SLC35B1: variants seen among roughly 807,000 people sequenced by gnomAD.
The protein encoded by SLC35B1 is ATP/ADP exchanger ER.
Under a neutral mutation model 36.6 loss-of-function variants are expected in SLC35B1, and 27 were observed. That is an observed-to-expected ratio of 0.74 (90% confidence interval 0.54 to 1.02). SLC35B1 has a LOEUF of 1.02. Ranked by LOEUF, SLC35B1 falls within the 50% of genes least tolerant of loss-of-function variation. The pLI is 0.00. For missense variants in SLC35B1, 321 were observed against 383.2 expected (o/e 0.84, Z 1.35); for synonymous variants, 162 against 152.5 (o/e 1.06, Z -0.46).
intron 6 of SLC35B1, 77 bp from the exon 7 acceptor site, chr17:49,703,371 C>G (rs1246718471): frequency 2.3e-6 from 2 of 870,232 alleles, no homozygotes; most frequent in Non-Finnish European, 3.8e-6. Context: ...CACACACACA[C>G]ACACAGACAC....
At chr17:49,706,079 C>T in intron 3 of SLC35B1, 125 bp downstream of exon 3, 1 of 1,367,448 alleles carries the variant, frequency 7.3e-7, no homozygotes, top group Non-Finnish European at 9.9e-7. Context: ...CTATACACTC[C>T]CAATGTCTTA....
rs1386100981 is a variant in SLC35B1 at position 49,703,282 on chromosome 17, G to A, written c.668C>T (p.Thr223Ile). The part of the protein sequence containing the change: ...TLLLGMGILF[T>I]GELWEFLSFA... ...GCTCAAGAACTCCCAGAGCTCCCCA[G>A]TGAACAGGATTCCTGAGAAGACATG... The change falls in exon 7 of 9, where the codon ACT (threonine) becomes ATT (isoleucine). Residue 223 changes from threonine to isoleucine, a missense_variant. Transcript: ENST00000240333. 2 of 1,612,532 alleles carry A rather than the reference G, an allele frequency of 1.2e-6. No individual in the cohort carries two copies. The highest frequency in any genetic ancestry group is 1.7e-6 in the Non-Finnish European group (2 of 1,178,796).
intron 8 of SLC35B1, chr17:49,701,926 C>CA (rs34701118): frequency 0.3 from 77,086 of 253,958 alleles, 8,062 homozygotes; most frequent in Non-Finnish European, 0.35. Flanking sequence ...CCCATCGCTA[C>CA]AAAAAAAAAA....
chr17:49,707,911 G>C lies in SLC35B1; in HGVS notation c.-78C>G. 6.3e-7 allele frequency: 1 copy of C among 1,581,214 alleles called. No homozygotes were observed. Among genetic ancestry groups the C allele is most frequent in the South Asian group, 1.1e-5 (1 of 87,928 alleles). ...AGCGGCGGCGGAGGCGACAGCTCCAGCCGGACATCGCCGACCGGCGGCAGG... is the reference window on the plus strand; with the variant it reads ...AGCGGCGGCGGAGGCGACAGCTCCACCCGGACATCGCCGACCGGCGGCAGG... On this transcript the variant is annotated 5_prime_UTR_variant, in exon 1 of 9. Transcript: ENST00000240333.
chr17:49,703,326 A>G (rs2073374968), intron 6 of SLC35B1, 32 bp from the exon 7 acceptor site: 3 of 1,355,388 alleles, frequency 2.2e-6, no homozygotes, highest in African/African-American at 3.0e-5. Context: ...TGTACGGCGC[A>G]TTTTGTGCAC....
Position 49,701,375 on chromosome 17 carries a change from C to A in SLC35B1, c.*83G>T. On this transcript the variant is annotated 3_prime_UTR_variant, in exon 9 of 9. Transcript: ENST00000240333. The stretch of plus-strand genomic sequence containing the variant: ...AAGACTGGAACTCAGTCCCATATTC[C>A]TATTAAGTCCATTTTCCCAAGAGAT... The A allele has an allele frequency of 9.3e-7, 1 of 1,076,090 alleles. No individual in the cohort carries two copies. Among genetic ancestry groups the A allele is most frequent in the East Asian group, 2.4e-5 (1 of 42,092 alleles). The allele number at this position is 1,076,090 out of a possible 1,614,324, so 66.7% of individuals were successfully genotyped here.
intron 8 of SLC35B1, 74 bp from the exon 9 acceptor site, chr17:49,701,584 G>T: frequency 1.5e-6 from 2 of 1,304,538 alleles, no homozygotes; most frequent in Non-Finnish European, 2.2e-6. Flanking sequence ...GTGGGGTGGG[G>T]TAGTCGGCCT....
Position 49,705,350 on chromosome 17 carries a change from C to T in SLC35B1, c.371-69G>A, listed in dbSNP as rs527513922. ...TATTGATGACCCCAATGCCCTCCCTCCCAGGAACCAAGAAAAGACTCAGGG... is the reference window on the plus strand; with the variant it reads ...TATTGATGACCCCAATGCCCTCCCTTCCAGGAACCAAGAAAAGACTCAGGG... On this transcript the variant is annotated intron_variant, in intron 4 of 8. Transcript: ENST00000240333. 63 of 1,450,852 alleles carry T rather than the reference C, an allele frequency of 4.3e-5. No individual in the cohort carries two copies. In the African/African-American group the frequency reaches 8.5e-4, roughly 20 times the overall value. 89.9% of individuals were successfully genotyped at this position (1,450,852 alleles called of 1,614,324 possible).
intron 1 of SLC35B1, 120 bp from the exon 2 acceptor site, chr17:49,707,188 G>A (rs2289601): frequency 0.012 from 15,731 of 1,314,250 alleles, 378 homozygotes; most frequent in East Asian, 0.12. Flanking sequence ...TGTAGGCAGA[G>A]TTTGTTAAGG....
In SLC35B1 at chr17:49,701,100, T is replaced by C. The variant is rs910384148; in HGVS notation, c.*358A>G. ...ATCGGAACAGAAGCCATTAGCACAA[T>C]TCTGCGATCTCACAGAGTTCCTCCC... On this transcript the variant is annotated 3_prime_UTR_variant, in exon 9 of 9. Transcript: ENST00000240333. 2 of 204,136 alleles carry C rather than the reference T, an allele frequency of 9.8e-6. No individual in the cohort carries two copies. The highest frequency in any genetic ancestry group is 2.3e-5 in the African/African-American group (1 of 43,354). The allele number at this position is 204,136 out of a possible 1,614,324, so 12.6% of individuals were successfully genotyped here.
chr17:49,701,809 G>A (rs2073353884), intron 8 of SLC35B1: 1 of 344,412 alleles, frequency 2.9e-6, no homozygotes, highest in Admixed American at 4.1e-5. Flanking sequence ...CTAGGCTATG[G>A]CTGAATGTGG....
At chr17:49,702,263 C>G (rs930520960) in intron 8 of SLC35B1, 1 of 154,462 alleles carries the variant, frequency 6.5e-6, no homozygotes, top group Non-Finnish European at 1.4e-5. Flanking sequence ...GGACCACAGG[C>G]GTCTGCCACC....
In SLC35B1 at chr17:49,706,350, AAAAAAAAAAAAAAAAGAAAAGAAAAG is replaced by A; in HGVS notation, c.209-42_209-17del. On this transcript the variant is annotated splice_polypyrimidine_tract_variant and intron_variant, in intron 2 of 8. Coordinates refer to ENST00000240333, the MANE Select transcript of SLC35B1 (RefSeq NM_005827.4). ...AACTGGATCACTGGGAGAAGACAAA[AAAAAAAAAAAAAAAAGAAAAGAAAAG>A]AAAAAAAAAAAAAAACAAGAGAAAC... The A allele has an allele frequency of 5.9e-6, 7 of 1,185,030 alleles. No homozygotes were observed. Among genetic ancestry groups the A allele is most frequent in the African/African-American group, 1.6e-5 (1 of 61,054 alleles). 73.4% of individuals were successfully genotyped at this position (1,185,030 alleles called of 1,614,324 possible).
In SLC35B1 at chr17:49,707,867, C is replaced by G. The variant is rs769413888; in HGVS notation, c.-34G>C. ...CAGAGGAGCCGACTGGAGACCCGCT[C>G]ACAACCGGCACCGGCAGCAGCGGCG... On this transcript the variant is annotated 5_prime_UTR_variant, in exon 1 of 9. An upstream open reading frame in the 5' UTR loses its in-frame stop. Transcript: ENST00000240333. The G allele has an allele frequency of 6.8e-6, 11 of 1,609,412 alleles. No homozygotes were observed. The South Asian group carries it at 1.1e-4, about 16-fold the overall frequency.
At chr17:49,706,875 C>G in intron 2 of SLC35B1, 90 bp downstream of exon 2, 1 of 899,304 alleles carries the variant, frequency 1.1e-6, no homozygotes, top group East Asian at 2.4e-5. Flanking sequence ...CATGAGTTAG[C>G]CTTTAAGGTT....
chr17:49,702,790 CATAA>C, intron 8 of SLC35B1, 64 bp downstream of exon 8: 1 of 1,486,452 alleles, frequency 6.7e-7, no homozygotes, highest in Non-Finnish European at 9.1e-7. Flanking sequence ...AAACAAATTT[CATAA>C]ATATACAAGT....
In SLC35B1 at chr17:49,706,946, T is replaced by TTAC. The variant is rs759133520; in HGVS notation, c.208+16_208+18dup. The TTAC allele has an allele frequency of 1.9e-6, 3 of 1,585,592 alleles. No homozygotes were observed. Among genetic ancestry groups the TTAC allele is most frequent in the Non-Finnish European group, 1.7e-6 (2 of 1,154,022 alleles). ...TTGGGGTGGTGGGGTACCCAACAAA[T>TTAC]TACTATCTGGGTACTCACAGATCTT... On this transcript the variant is annotated intron_variant, in intron 2 of 8. Coordinates refer to ENST00000240333, the MANE Select transcript of SLC35B1 (RefSeq NM_005827.4).
Position 49,706,346 on chromosome 17 carries a change from C to CAAAAAAAAAAAAAAA in SLC35B1, c.209-27_209-13dup, listed in dbSNP as rs61136804. Reference sequence around the variant, plus strand: ...AAAAAACTGGATCACTGGGAGAAGACAAAAAAAAAAAAAAAAAAAGAAAAG... The same window carrying CAAAAAAAAAAAAAAA: ...AAAAAACTGGATCACTGGGAGAAGACAAAAAAAAAAAAAAAAAAAAAAAAAAAAAAAAAAGAAAAG... On this transcript the variant is annotated splice_polypyrimidine_tract_variant and intron_variant, in intron 2 of 8. Coordinates refer to ENST00000240333, the MANE Select transcript of SLC35B1 (RefSeq NM_005827.4). 10 of 733,612 alleles carry CAAAAAAAAAAAAAAA rather than the reference C, an allele frequency of 1.4e-5. No individual in the cohort carries two copies. The highest frequency in any genetic ancestry group is 9.5e-5 in the Admixed American group (1 of 10,498). The allele number at this position is 733,612 out of a possible 1,614,324, so 45.4% of individuals were successfully genotyped here. A position where few individuals can be genotyped will look rare whatever the true frequency, so the allele number is the denominator to read the frequency against.
At chr17:49,707,392 G>T (rs1294982788) in intron 1 of SLC35B1, 11 of 1,433,330 alleles carry the variant, frequency 7.7e-6, no homozygotes, top group Non-Finnish European at 1.0e-5. Context: ...GGCCGAGGAC[G>T]AATAGGTTGT....
Sources: gnomAD v4.1 joint callset for allele counts on GRCh38, gnomAD v4.1.1 for gene constraint, MANE v1.5 for transcripts, NCBI Gene and HGNC (gene_info 2026-07-23, HGNC 2026-07-21) for gene names.